The following POLG2 variants were observed in gnomAD, a reference collection of about 807,000 sequenced individuals.
POLG2 encodes the protein DNA polymerase subunit gamma-2.
Under a neutral mutation model 56.5 loss-of-function variants are expected in POLG2, and 50 were observed. The observed-to-expected ratio is 0.88, with a 90% confidence interval of 0.71 to 1.12. The LOEUF is 1.12. Ranked by LOEUF, POLG2 falls within the 50% of genes most tolerant of loss-of-function variation. The pLI is 0.00. For synonymous variants in POLG2, 226 were observed against 222.6 expected (o/e 1.02, Z -0.14); for missense variants, 584 against 583.3 (o/e 1.00, Z -0.01).
intron 6 of POLG2, among the ~76,000 whole-genome samples, chr17:64,482,059 T>C (rs1380203459): frequency 6.7e-6 from 1 of 149,166 alleles, no homozygotes; most frequent in Non-Finnish European, 1.5e-5. Context: ...TTATATATAA[T>C]CACAGTACTT....
intron 3 of POLG2, among the ~76,000 whole-genome samples, chr17:64,492,366 A>G (rs1555668670): frequency 6.6e-6 from 1 of 152,220 alleles, no homozygotes; most frequent in Non-Finnish European, 1.5e-5. Context: ...CAAAAGCTGA[A>G]GCTGTGACAA....
Position 64,485,533 on chromosome 17 carries a change from G to A in POLG2, c.1110+195C>T. The stretch of plus-strand genomic sequence containing the variant: ...AATGCCTTTGGGATTACTTATTAGG[G>A]ATGCCTTGTTCTATTCTGTGAGAAC... On this transcript the variant is annotated intron_variant, in intron 5 of 7. Transcript: ENST00000539111. The A allele has an allele frequency of 1.7e-5, 10 of 600,900 alleles. No homozygotes were observed. The South Asian group carries it at 1.8e-4, about 11-fold the overall frequency. The allele number at this position is 600,900 out of a possible 1,614,324, so 37.2% of individuals were successfully genotyped here. A position where few individuals can be genotyped will look rare whatever the true frequency, so the allele number is the denominator to read the frequency against.
chr17:64,490,801 A>G lies in POLG2; in HGVS notation c.964T>C (p.Leu322=). 2 of 1,611,522 alleles carry G rather than the reference A, an allele frequency of 1.2e-6. 1 individual carries two copies. Among genetic ancestry groups the G allele is most frequent in the South Asian group, 2.2e-5 (2 of 91,004 alleles). The change falls in exon 4 of 8, where the codon TTA becomes CTA. Residue 322 remains leucine (L), a synonymous_variant. Coordinates refer to ENST00000539111, the MANE Select transcript of POLG2 (RefSeq NM_007215.4). ...GAGCTCCAGGTAAAACATACATGTA[A>G]TTTAGACACATTGCCAGGATACATG... The part of the protein sequence containing the change: ...LHMYPGNVSK[L]HGRDGRKNVV...
chr17:64,479,214 C>T (rs1428571162), intron 7 of POLG2, among the ~76,000 whole-genome samples: 4 of 142,682 alleles, frequency 2.8e-5, no homozygotes, highest in Middle Eastern at 3.6e-3. Flanking sequence ...GAAGGAGTCT[C>T]GCTCTGTCAC....
At position 64,477,837 on chromosome 17, in the gene POLG2, C is replaced by G; in HGVS notation, c.1444G>C (p.Ala482Pro). The change falls in exon 8 of 8, where the codon GCT becomes CCT. Residue 482 changes from alanine to proline, a missense_variant. Ala to Pro is a conservative substitution (Grantham distance 27). Transcript: ENST00000539111. ...AATATAAAAATCTATACATTCTTAG[C>G]TGATGATATATACTTAATCAAAAAG... The part of the protein sequence containing the change: ...KDFLIKYISS[A>P]KNV 6.3e-7 allele frequency: 1 copy of G among 1,594,802 alleles called. No homozygotes were observed. The highest frequency in any genetic ancestry group is 8.5e-7 in the Non-Finnish European group (1 of 1,172,166).
Position 64,477,921 on chromosome 17 carries a change from G to A in POLG2, c.1360C>T (p.His454Tyr), listed in dbSNP as rs2037792421. The change falls in exon 8 of 8, where the codon CAT becomes TAT. Residue 454 changes from histidine (H) to tyrosine (Y), a missense_variant. Physicochemically the swap from His to Tyr is moderately conservative, Grantham distance 83 (BLOSUM62 2). Transcript: ENST00000539111. ...TETTLENGLI[H>Y]LRSRDTTMKE... ...ATTGTGGTGTCTCTGCTTCTCAGAT[G>A]TATTAATCCATTCTCCAAAGTAGTT... 1.9e-6 allele frequency: 3 copies of A among 1,613,988 alleles called. No individual in the cohort carries two copies. The highest frequency in any genetic ancestry group is 2.5e-6 in the Non-Finnish European group (3 of 1,179,976).
Position 64,491,807 on chromosome 17 carries a change from C to G in POLG2, c.796-838G>C, listed in dbSNP as rs781976636. The stretch of plus-strand genomic sequence containing the variant: ...ACCACTGAAGAAGACATGCTCTGCA[C>G]TCCCCCAGCAACCTTCTTGGCTGCA... On this transcript the variant is annotated intron_variant, in intron 3 of 7. Transcript: ENST00000539111. The G allele has an allele frequency of 7.9e-6, 4 of 509,094 alleles. No individual in the cohort carries two copies. In the Admixed American group the frequency reaches 1.1e-4, roughly 14 times the overall value. The allele number at this position is 509,094 out of a possible 1,614,324, so 31.5% of individuals were successfully genotyped here. A position where few individuals can be genotyped will look rare whatever the true frequency, so the allele number is the denominator to read the frequency against.
At chr17:64,491,542 T>G in intron 3 of POLG2, 16 of 1,548,128 alleles carry the variant, frequency 1.0e-5, no homozygotes, top group Non-Finnish European at 1.3e-5. Context: ...GTTGTACCAG[T>G]GAAGGACAAG....
At chr17:64,491,072 A>G in intron 3 of POLG2, 103 bp from the exon 4 acceptor site, 4 of 937,522 alleles carry the variant, frequency 4.3e-6, no homozygotes, top group Non-Finnish European at 6.8e-6. Flanking sequence ...CTTTTTATTC[A>G]GCAAATGTGC....
Position 64,482,979 on chromosome 17 carries a change from AC to A in POLG2, c.1130del (p.Cys377PhefsTer2). On this transcript the variant is annotated frameshift_variant, in exon 6 of 8. Coordinates refer to ENST00000539111, the MANE Select transcript of POLG2 (RefSeq NM_007215.4). LOFTEE classifies it high-confidence loss of function. ...LHRKVLKLHP[C>X]LAPIKVALDV... The stretch of plus-strand genomic sequence containing the variant: ...CCAAAGCAACCTTAATAGGGGCTAA[AC>A]AAGGGTGAAGTTTAAGTACCTAAGG... 1 of 1,605,116 alleles carries A rather than the reference AC, an allele frequency of 6.2e-7. No individual in the cohort carries two copies.
intron 4 of POLG2, among the ~76,000 whole-genome samples, chr17:64,489,095 G>T (rs1197895351): frequency 2.7e-4 from 39 of 142,474 alleles, no homozygotes; most frequent in Admixed American, 8.7e-4. Context: ...GCACAGTCTT[G>T]GCTCACTGAT....
At chr17:64,480,247 C>T in intron 7 of POLG2, 42 bp downstream of exon 7, 1 of 824,050 alleles carries the variant, frequency 1.2e-6, no homozygotes, top group East Asian at 2.8e-5. Flanking sequence ...TAATCAAAAA[C>T]TCTTGAATAA....
At chr17:64,483,355 A>G (rs1555666880) in intron 5 of POLG2, among the ~76,000 whole-genome samples, 1 of 151,252 alleles carries the variant, frequency 6.6e-6, no homozygotes, top group Non-Finnish European at 1.5e-5. Flanking sequence ...CTCTACCAAA[A>G]AAATACAAAA....
intron 5 of POLG2, 142 bp downstream of exon 5, chr17:64,485,586 T>C: frequency 2.8e-6 from 2 of 725,294 alleles, no homozygotes; most frequent in Non-Finnish European, 4.7e-6. Flanking sequence ...GGCCAGATTC[T>C]AAAAAAACTG....
Position 64,493,156 on chromosome 17 carries a change from G to A in POLG2, c.563-135C>T, listed in dbSNP as rs536455418. On this transcript the variant is annotated intron_variant, in intron 1 of 7. Coordinates refer to ENST00000539111, the MANE Select transcript of POLG2 (RefSeq NM_007215.4). ...ATGTTGGCTAAGCTTGGTGGCTCACGCCTATAATCCCAGCACTTTGGGAGG... is the reference window on the plus strand; with the variant it reads ...ATGTTGGCTAAGCTTGGTGGCTCACACCTATAATCCCAGCACTTTGGGAGG... 9 of 967,474 alleles carry A rather than the reference G, an allele frequency of 9.3e-6. No individual in the cohort carries two copies. In the South Asian group the frequency reaches 1.1e-4, roughly 12 times the overall value. The allele number at this position is 967,474 out of a possible 1,614,324, so 59.9% of individuals were successfully genotyped here.
chr17:64,493,345 A>T (rs2038096463), intron 1 of POLG2, among the ~76,000 whole-genome samples: 1 of 152,062 alleles, frequency 6.6e-6, no homozygotes, highest in Non-Finnish European at 1.5e-5. Flanking sequence ...TTAGTCTGGG[A>T]GGCCAAGGTT....
Position 64,497,021 on chromosome 17 carries a change from A to C in POLG2, c.-53T>G, listed in dbSNP as rs1241544644. 7 of 1,512,364 alleles carry C rather than the reference A, an allele frequency of 4.6e-6. No homozygotes were observed. Among genetic ancestry groups the C allele is most frequent in the Non-Finnish European group, 5.5e-6 (6 of 1,100,580 alleles). 93.7% of individuals were successfully genotyped at this position (1,512,364 alleles called of 1,614,324 possible). The stretch of plus-strand genomic sequence containing the variant: ...TCCCATCACTCAACGGATCCCAACA[A>C]GCCACCACTACCGTTAACAGAATCC... On this transcript the variant is annotated 5_prime_UTR_variant, in exon 1 of 8. Transcript: ENST00000539111.
chr17:64,496,109 C>T (rs1200061402), intron 1 of POLG2, among the ~76,000 whole-genome samples: 2 of 152,174 alleles, frequency 1.3e-5, no homozygotes, highest in Admixed American at 1.3e-4. Context: ...CTGTGTAGTT[C>T]CTTATGCACT....
At position 64,496,407 on chromosome 17, in the gene POLG2, C is replaced by A. The variant is rs1339478122; in HGVS notation, c.562G>T (p.Gly188Cys). The A allele has an allele frequency of 6.4e-7, 1 of 1,563,830 alleles. No individual in the cohort carries two copies. The highest frequency in any genetic ancestry group is 8.7e-7 in the Non-Finnish European group (1 of 1,145,480). The change falls in exon 1 of 8, where the codon GGT becomes TGT. Residue 188 changes from glycine to cysteine, a missense_variant and splice_region_variant. Transcript: ENST00000539111. Reference sequence around the variant, plus strand: ...TGAAGCATGAAATCGTGAAGCATACCGTGAAGAAGGTTCTCCCGTAGTTTC... The same window carrying A: ...TGAAGCATGAAATCGTGAAGCATACAGTGAAGAAGGTTCTCCCGTAGTTTC... ...SGKLRENLLH[G>C]ALEHYVNCLD...
Sources: allele counts gnomAD v4.1 joint callset (sites outside exome capture counted in the v4.1 genomes callset), GRCh38; gene constraint gnomAD v4.1.1; transcripts MANE v1.5; gene names NCBI Gene and HGNC (gene_info 2026-07-23, HGNC 2026-07-21).